TRHDE: variants seen among roughly 807,000 people sequenced by gnomAD.
TRHDE encodes the protein thyrotropin releasing hormone degrading enzyme, also known as thyrotropin-releasing hormone-degrading ectoenzyme.
Under a neutral mutation model 125.7 loss-of-function variants are expected in TRHDE, and 72 were observed. The ratio of observed to expected loss-of-function variants is 0.57; its 90% CI spans 0.47 to 0.70. The LOEUF is 0.70. Among genes scored for constraint, TRHDE ranks in the 30% least tolerant of loss-of-function variants. TRHDE has a pLI of 0.00. For synonymous variants in TRHDE, 509 were observed against 509.1 expected (o/e 1.00, Z 0.00); for missense variants, 1,110 against 1,327.1 (o/e 0.84, Z 2.54).
At chr12:72,171,685 A>G (rs1876878118) in intron 2 of TRHDE, among the ~76,000 whole-genome samples, 1 of 152,320 alleles carries the variant, frequency 6.6e-6, no homozygotes, top group South Asian at 2.1e-4. Flanking sequence ...TGCAGAACTG[A>G]GTGGGACCAG....
At chr12:72,287,830 A>G (rs1879947021) in intron 2 of TRHDE, among the ~76,000 whole-genome samples, 1 of 152,124 alleles carries the variant, frequency 6.6e-6, no homozygotes, top group Non-Finnish European at 1.5e-5. Context: ...ACATTGCATT[A>G]GGGTAGATTA....
intron 2 of TRHDE, among the ~76,000 whole-genome samples, chr12:72,366,378 A>G (rs1871339166): frequency 6.6e-6 from 1 of 152,182 alleles, no homozygotes; most frequent in Non-Finnish European, 1.5e-5. Flanking sequence ...AGTGATTTAC[A>G]AGAAGAGACT....
chr12:72,369,860 A>C (rs954048746), intron 2 of TRHDE, among the ~76,000 whole-genome samples: 2 of 152,182 alleles, frequency 1.3e-5, no homozygotes, highest in African/African-American at 4.8e-5. Context: ...ATGGAATGTC[A>C]GAAAACGCTG....
chr12:72,492,126 ATAAT>A (rs1161904144), intron 5 of TRHDE, among the ~76,000 whole-genome samples: 6 of 152,018 alleles, frequency 3.9e-5, no homozygotes, highest in East Asian at 3.8e-4. Context: ...GCAAGAGAAA[ATAAT>A]TAATGTCTTG....
Position 72,262,879 on chromosome 12 carries a change from GAATA to G in TRHDE, n.280-115110_280-115107del, listed in dbSNP as rs561354556. The G allele has an allele frequency of 3.5e-3, 535 of 152,062 alleles. 2 individuals are homozygous for G. Among genetic ancestry groups the G allele is most frequent in the Middle Eastern group, 0.014 (4 of 294 alleles). 9.4% of individuals were successfully genotyped at this position (152,062 alleles called of 1,614,324 possible). On this transcript the variant is annotated intron_variant and non_coding_transcript_variant, in intron 2 of 4. Coordinates refer to the TRHDE transcript ENST00000548156. The stretch of plus-strand genomic sequence containing the variant: ...ACTTTTCCACATTGAAAGATTAAAG[GAATA>G]AATAATTTTTTGAAACTGAAAATGA...
At chr12:72,230,072 ACTC>A (rs1878217127) in intron 2 of TRHDE, among the ~76,000 whole-genome samples, 1 of 151,974 alleles carries the variant, frequency 6.6e-6, no homozygotes, top group Non-Finnish European at 1.5e-5. Flanking sequence ...TTCCTACAAA[ACTC>A]CTGAGTTATC....
intron 3 of TRHDE, among the ~76,000 whole-genome samples, chr12:72,444,212 TGAA>T (rs1432114577): frequency 5.9e-5 from 9 of 151,908 alleles, no homozygotes; most frequent in Middle Eastern, 3.4e-3. Context: ...ACCCCAAAGA[TGAA>T]GTTTTCTTTT....
chr12:72,179,749 GT>G (rs1174269495), intron 2 of TRHDE, among the ~76,000 whole-genome samples: 1 of 152,062 alleles, frequency 6.6e-6, no homozygotes, highest in Admixed American at 6.6e-5. Context: ...CAAGGGAAGA[GT>G]TTAATCAGAA....
chr12:72,373,759 C>G (rs1386768867), intron 2 of TRHDE, among the ~76,000 whole-genome samples: 2 of 152,050 alleles, frequency 1.3e-5, no homozygotes, highest in African/African-American at 2.4e-5. Flanking sequence ...TCGAGAATCT[C>G]TCTGGTATGT....
chr12:72,117,826 G>A (rs1279930879), intron 2 of TRHDE, among the ~76,000 whole-genome samples: 1 of 147,694 alleles, frequency 6.8e-6, no homozygotes, highest in East Asian at 1.9e-4. Flanking sequence ...TATTTTACTT[G>A]TAGCTATTGT....
rs576794620 is a variant in TRHDE, at chr12:72,144,233, C to T, written n.279+38481C>T. 4.1e-3 allele frequency among the ~76,000 whole-genome samples: 627 copies of T among 152,312 alleles called. 1 individual carries two copies. Among genetic ancestry groups the T allele is most frequent in the African/African-American group, 0.015 (605 of 41,570 alleles). ...TTTTTAGGGGCCACGGTAGGACTCA[C>T]AGTGGGTCAGTGTTTTTTGCCAGAC... On this transcript the variant is annotated intron_variant and non_coding_transcript_variant, in intron 2 of 4. Coordinates refer to the TRHDE transcript ENST00000548156.
intron 2 of TRHDE, among the ~76,000 whole-genome samples, chr12:72,297,910 C>G (rs560843837): frequency 6.6e-6 from 1 of 152,156 alleles, no homozygotes; most frequent in Non-Finnish European, 1.5e-5. Flanking sequence ...GAGGACTGAG[C>G]AGGCCAAATT....
chr12:72,144,576 A>G (rs1876186425), intron 2 of TRHDE, among the ~76,000 whole-genome samples: 1 of 152,166 alleles, frequency 6.6e-6, no homozygotes, highest in Non-Finnish European at 1.5e-5. Context: ...ATAAGCTACT[A>G]GCTTCCTTGT....
chr12:72,235,755 A>G (rs1327437227), intron 2 of TRHDE, among the ~76,000 whole-genome samples: 1 of 150,486 alleles, frequency 6.6e-6, no homozygotes, highest in African/African-American at 2.5e-5. Flanking sequence ...CTTCTCAGGC[A>G]GATCATCAGA....
intron 2 of TRHDE, among the ~76,000 whole-genome samples, chr12:72,168,706 T>C (rs1159890790): frequency 2.0e-5 from 3 of 152,234 alleles, no homozygotes; most frequent in Non-Finnish European, 4.4e-5. Context: ...CTGGAGATAT[T>C]AGTGAAATTT....
At chr12:72,463,198 T>C (rs996930146) in intron 3 of TRHDE, among the ~76,000 whole-genome samples, 2 of 152,166 alleles carry the variant, frequency 1.3e-5, no homozygotes, top group Non-Finnish European at 2.9e-5. Context: ...CATGGAAGGA[T>C]TGGCTGCTGA....
At chr12:72,238,271 C>A (rs1592495087) in intron 2 of TRHDE, among the ~76,000 whole-genome samples, 2 of 65,752 alleles carry the variant, frequency 3.0e-5, no homozygotes, top group Non-Finnish European at 5.2e-5. Flanking sequence ...GTGGTCAGAT[C>A]CTTAATATAT....
At chr12:72,131,013 C>T (rs1353156117) in intron 2 of TRHDE, among the ~76,000 whole-genome samples, 1 of 151,516 alleles carries the variant, frequency 6.6e-6, no homozygotes, top group East Asian at 1.9e-4. Context: ...AAGTACAGTG[C>T]CTTACGATGT....
chr12:72,108,907 C>A (rs959536905), intron 2 of TRHDE, among the ~76,000 whole-genome samples: 2 of 151,960 alleles, frequency 1.3e-5, no homozygotes, highest in Non-Finnish European at 2.9e-5. Context: ...GGGAGGGAAG[C>A]ATTTGTGTTA....
Sources: allele counts gnomAD v4.1 joint callset (sites outside exome capture counted in the v4.1 genomes callset), GRCh38; gene constraint gnomAD v4.1.1; transcripts MANE v1.5; gene names NCBI Gene and HGNC (gene_info 2026-07-23, HGNC 2026-07-21).